ILRUN: variants seen among roughly 807,000 people sequenced by gnomAD.
ILRUN encodes the protein inflammation and lipid regulator with UBA-like and NBR1-like domains.
Under a neutral mutation model 33.8 loss-of-function variants are expected in ILRUN, and 3 were observed. That is an observed-to-expected ratio of 0.09 (90% CI 0.04 to 0.23). ILRUN has a LOEUF of 0.23. ILRUN is among the 10% of genes least tolerant of loss of function. The pLI, the probability that ILRUN is intolerant of heterozygous loss-of-function variation, is 1.00. For synonymous variants in ILRUN, 124 were observed against 138.9 expected (o/e 0.89, Z 0.75); for missense variants, 210 against 375.1 (o/e 0.56, Z 3.64).
chr6:34,590,286 A>C lies in ILRUN; in HGVS notation c.*279T>G. 4.0e-6 allele frequency: 1 copy of C among 252,370 alleles called. No homozygotes were observed. The highest frequency in any genetic ancestry group is 7.6e-6 in the Non-Finnish European group (1 of 132,446). The allele number at this position is 252,370 out of a possible 1,614,324, so 15.6% of individuals were successfully genotyped here. On this transcript the variant is annotated 3_prime_UTR_variant, in exon 5 of 5. Coordinates refer to ENST00000374023, the MANE Select transcript of ILRUN (RefSeq NM_024294.4). ...CTTTTTCCCCCTTCCCGAGTGACCTAATGACTTGTTAGACTGATGCCTATA... is the reference window on the plus strand; with the variant it reads ...CTTTTTCCCCCTTCCCGAGTGACCTCATGACTTGTTAGACTGATGCCTATA...
chr6:34,630,487 G>A (rs1021519601), intron 3 of ILRUN, among the ~76,000 whole-genome samples: 6 of 151,986 alleles, frequency 3.9e-5, no homozygotes, highest in African/African-American at 9.7e-5. Context: ...GGGTTCAAAC[G>A]ATTCTCCTGT....
intron 3 of ILRUN, among the ~76,000 whole-genome samples, chr6:34,635,105 G>A (rs1762330916): frequency 6.6e-6 from 1 of 152,082 alleles, no homozygotes; most frequent in Admixed American, 6.6e-5. Flanking sequence ...AATCACTTCT[G>A]ATTTCTAAAT....
At chr6:34,624,764 A>G (rs1376481559) in intron 3 of ILRUN, among the ~76,000 whole-genome samples, 1 of 152,232 alleles carries the variant, frequency 6.6e-6, no homozygotes, top group Non-Finnish European at 1.5e-5. Context: ...ACAAAATAAG[A>G]TATACGCCTC....
chr6:34,651,355 A>C (rs1288861111), intron 2 of ILRUN, among the ~76,000 whole-genome samples: 1 of 152,164 alleles, frequency 6.6e-6, no homozygotes, highest in Non-Finnish European at 1.5e-5. Context: ...GCAAATGCAG[A>C]GGGGAAAAGC....
In ILRUN at chr6:34,696,660, G is replaced by A. The variant is rs1300066784; in HGVS notation, c.-57C>T. 5.1e-6 allele frequency: 8 copies of A among 1,559,762 alleles called. No individual in the cohort carries two copies. The highest frequency in any genetic ancestry group is 6.9e-6 in the Non-Finnish European group (8 of 1,157,158). Reference sequence around the variant, plus strand: ...TTCACAACCAAGCCGCCGCCGCGCCGCCGGGCCCGGGGACCTGGAGGGGGG... The same window carrying A: ...TTCACAACCAAGCCGCCGCCGCGCCACCGGGCCCGGGGACCTGGAGGGGGG... On this transcript the variant is annotated 5_prime_UTR_variant, in exon 1 of 5. Coordinates refer to ENST00000374023, the MANE Select transcript of ILRUN (RefSeq NM_024294.4).
intron 3 of ILRUN, among the ~76,000 whole-genome samples, chr6:34,634,018 G>C (rs995978809): frequency 4.6e-5 from 7 of 152,056 alleles, no homozygotes; most frequent in East Asian, 1.9e-4. Context: ...CTAGCACTTT[G>C]GGAGGCAGAG....
chr6:34,688,402 CA>C (rs10573054), intron 1 of ILRUN, among the ~76,000 whole-genome samples: 14,233 of 94,054 alleles, frequency 0.15, 706 homozygotes, highest in East Asian at 0.38. Flanking sequence ...GACCCTGTCT[CA>C]AAAAAAAAAA....
intron 2 of ILRUN, among the ~76,000 whole-genome samples, chr6:34,647,711 C>T (rs978282008): frequency 6.6e-6 from 1 of 152,136 alleles, no homozygotes; most frequent in South Asian, 2.1e-4. Flanking sequence ...ATTACAGGCG[C>T]CCATTACCAC....
intron 1 of ILRUN, among the ~76,000 whole-genome samples, chr6:34,662,120 G>A (rs1255349622): frequency 2.2e-4 from 16 of 72,582 alleles, no homozygotes; most frequent in South Asian, 1.2e-3. Flanking sequence ...GCGAGACTCC[G>A]TCTCAAAAAA....
chr6:34,667,446 T>C (rs1318959269), intron 1 of ILRUN, among the ~76,000 whole-genome samples: 1 of 152,134 alleles, frequency 6.6e-6, no homozygotes, highest in Admixed American at 6.6e-5. Flanking sequence ...AACAACAAAA[T>C]TAGATAACAA....
At chr6:34,693,922 G>A (rs1055964746) in intron 1 of ILRUN, among the ~76,000 whole-genome samples, 1 of 151,862 alleles carries the variant, frequency 6.6e-6, no homozygotes, top group African/African-American at 2.4e-5. Context: ...TTCCCAGGGT[G>A]ATCCTCCCAC....
At chr6:34,650,405 ATTTTTATTTATT>A in intron 2 of ILRUN, among the ~76,000 whole-genome samples, 2 of 135,180 alleles carry the variant, frequency 1.5e-5, no homozygotes, top group East Asian at 4.3e-4. Context: ...TTATTTATTT[ATTTTTATTTATT>A]TATTTATTTA....
chr6:34,632,285 A>G (rs913632034), intron 3 of ILRUN, among the ~76,000 whole-genome samples: 73 of 152,174 alleles, frequency 4.8e-4, no homozygotes, highest in African/African-American at 1.7e-3. Context: ...TACTCAAAAT[A>G]CAAAAATTAG....
intron 1 of ILRUN, among the ~76,000 whole-genome samples, chr6:34,665,529 T>C (rs1210465457): frequency 2.0e-5 from 3 of 152,060 alleles, no homozygotes; most frequent in Non-Finnish European, 4.4e-5. Flanking sequence ...CAAGTAATCC[T>C]CCCACCTCAG....
At chr6:34,679,711 T>C (rs1763316652) in intron 1 of ILRUN, among the ~76,000 whole-genome samples, 1 of 152,098 alleles carries the variant, frequency 6.6e-6, no homozygotes, top group Non-Finnish European at 1.5e-5. Context: ...TATTTGGAAA[T>C]AGGGTCTTTG....
intron 4 of ILRUN, among the ~76,000 whole-genome samples, chr6:34,594,634 T>C (rs1375645856): frequency 1.3e-5 from 2 of 152,166 alleles, no homozygotes; most frequent in East Asian, 1.9e-4. Flanking sequence ...CCAGCTATCA[T>C]AGGTATGAGC....
intron 3 of ILRUN, among the ~76,000 whole-genome samples, chr6:34,615,384 T>C (rs1243984019): frequency 2.0e-5 from 3 of 151,730 alleles, no homozygotes; most frequent in African/African-American, 7.3e-5. Flanking sequence ...TCACCTAAGG[T>C]CAGGAGTTCA....
At position 34,625,846 on chromosome 6, in the gene ILRUN, CTTTTTT is replaced by C. The variant is rs58219612; in HGVS notation, c.512-18948_512-18943del. Among the ~76,000 whole-genome samples the C allele has an allele frequency of 1.1e-4, 13 of 114,252 alleles. No individual in the cohort carries two copies. In the South Asian group the frequency reaches 2.9e-3, roughly 26 times the overall value. The allele number at this position is 114,252 out of a possible 152,430, so 75.0% of individuals were successfully genotyped here. A position where few individuals can be genotyped will look rare whatever the true frequency, so the allele number is the denominator to read the frequency against. ...TTCATTATTTTTTCTTATTGAAAGGCTTTTTTTTTTTTTTTTTTTTGAGATAGCGAG... is the reference window on the plus strand; with the variant it reads ...TTCATTATTTTTTCTTATTGAAAGGCTTTTTTTTTTTTTTGAGATAGCGAG... On this transcript the variant is annotated intron_variant, in intron 3 of 4. Transcript: ENST00000374023.
intron 1 of ILRUN, among the ~76,000 whole-genome samples, chr6:34,688,168 G>T (rs922776935): frequency 5.3e-5 from 8 of 152,182 alleles, no homozygotes; most frequent in African/African-American, 1.4e-4. Flanking sequence ...ACTTTGGGAG[G>T]CCAGTGCAGG....
Sources: allele counts gnomAD v4.1 joint callset (sites outside exome capture counted in the v4.1 genomes callset), GRCh38; gene constraint gnomAD v4.1.1; transcripts MANE v1.5; gene names NCBI Gene and HGNC (gene_info 2026-07-23, HGNC 2026-07-21).